TIAM1: variants seen among roughly 807,000 people sequenced by gnomAD.
The protein encoded by TIAM1 is TIAM Rac1 associated GEF 1, also known as rho guanine nucleotide exchange factor TIAM1.
A neutral mutation model predicts 163.5 loss-of-function variants in TIAM1; 65 were observed. The ratio of observed to expected loss-of-function variants is 0.40; its 90% CI spans 0.33 to 0.49. The LOEUF (loss-of-function observed/expected upper bound fraction) is 0.49, where lower values mean the gene tolerates loss of function less well. Among genes scored for constraint, TIAM1 ranks in the 20% least tolerant of loss-of-function variants. The pLI, the probability that TIAM1 is intolerant of heterozygous loss-of-function variation, is 0.77. For missense variants in TIAM1, 1,789 were observed against 2,044.7 expected (o/e 0.87, Z 2.41); for synonymous variants, 833 against 810.1 (o/e 1.03, Z -0.48).
At chr21:31,452,065 C>G (rs902754133) in intron 2 of TIAM1, among the ~76,000 whole-genome samples, 7 of 152,140 alleles carry the variant, frequency 4.6e-5, no homozygotes, top group African/African-American at 1.7e-4. Flanking sequence ...AGGGCACATC[C>G]TAAGGTGATC....
intron 1 of TIAM1, among the ~76,000 whole-genome samples, chr21:31,553,666 T>G (rs2048770875): frequency 6.6e-6 from 1 of 152,048 alleles, no homozygotes; most frequent in East Asian, 1.9e-4. Flanking sequence ...CCCTGGAAGG[T>G]GAGGCCTGGG....
chr21:31,208,170 T>G (rs1300022456), intron 11 of TIAM1, among the ~76,000 whole-genome samples: 1 of 152,194 alleles, frequency 6.6e-6, no homozygotes, highest in Non-Finnish European at 1.5e-5. Context: ...AGCAAAAGCT[T>G]GAAACATACG....
chr21:31,132,579 C>T (rs983384491), intron 23 of TIAM1, among the ~76,000 whole-genome samples: 4 of 152,164 alleles, frequency 2.6e-5, no homozygotes, highest in African/African-American at 7.2e-5. Context: ...ATCTCAGAAG[C>T]GCCACCATGC....
At chr21:31,320,298 G>C (rs2075269969) in intron 2 of TIAM1, among the ~76,000 whole-genome samples, 1 of 152,138 alleles carries the variant, frequency 6.6e-6, no homozygotes, top group Admixed American at 6.5e-5. Context: ...CCGGGGCAGG[G>C]AGGTGGAGGA....
intron 27 of TIAM1, among the ~76,000 whole-genome samples, chr21:31,121,055 C>G (rs1979208925): frequency 6.6e-6 from 1 of 152,116 alleles, no homozygotes. Flanking sequence ...GCAACTGATG[C>G]AAGGGCAAGG....
intron 12 of TIAM1, among the ~76,000 whole-genome samples, chr21:31,198,093 G>A (rs905017114): frequency 7.2e-5 from 11 of 152,170 alleles, no homozygotes; most frequent in African/African-American, 2.7e-4. Context: ...CCAATTTTGA[G>A]CCAAGGTCAA....
At chr21:31,236,881 G>A (rs1183036332) in intron 6 of TIAM1, among the ~76,000 whole-genome samples, 1 of 152,164 alleles carries the variant, frequency 6.6e-6, no homozygotes, top group Non-Finnish European at 1.5e-5. Flanking sequence ...AATGGCTTGG[G>A]AACCTTAGGC....
At chr21:31,229,610 A>C (rs1428043712) in intron 6 of TIAM1, among the ~76,000 whole-genome samples, 2 of 151,862 alleles carry the variant, frequency 1.3e-5, no homozygotes, top group Non-Finnish European at 2.9e-5. Context: ...CGCTCAGTGG[A>C]AATGAGGAGC....
intron 6 of TIAM1, among the ~76,000 whole-genome samples, chr21:31,228,071 T>A (rs1018122102): frequency 1.5e-5 from 2 of 137,422 alleles, no homozygotes; most frequent in Non-Finnish European, 3.0e-5. Context: ...CCCAGCTAAT[T>A]TTTGTATTTT....
chr21:31,533,052 TA>T (rs2048020727), intron 1 of TIAM1, among the ~76,000 whole-genome samples: 2 of 152,290 alleles, frequency 1.3e-5, no homozygotes, highest in South Asian at 4.1e-4. Flanking sequence ...TATCTCAACA[TA>T]ATCATGCCTG....
chr21:31,209,960 G>T lies in TIAM1; in HGVS notation c.2388+85C>A. ...TTTTAAGCACCTTCCTCTCCCACAC[G>T]GCTCTGGGTTTCCACATGTGCCTTA... On this transcript the variant is annotated intron_variant, in intron 11 of 27. Coordinates refer to ENST00000541036, the MANE Select transcript of TIAM1 (RefSeq NM_001353694.2). 1.9e-5 allele frequency: 27 copies of T among 1,449,024 alleles called. No homozygotes were observed. The South Asian group carries it at 3.9e-4, about 21-fold the overall frequency. The allele number at this position is 1,449,024 out of a possible 1,614,324, so 89.8% of individuals were successfully genotyped here. A position where few individuals can be genotyped will look rare whatever the true frequency, so the allele number is the denominator to read the frequency against.
intron 2 of TIAM1, among the ~76,000 whole-genome samples, chr21:31,368,580 TTC>T (rs1403033257): frequency 6.6e-6 from 1 of 152,136 alleles, no homozygotes; most frequent in African/African-American, 2.4e-5. Context: ...AAAAAAGCAT[TTC>T]AAGAAAGCGT....
At position 31,151,557 on chromosome 21, in the gene TIAM1, G is replaced by A. The variant is rs2083372184; in HGVS notation, c.3366+1079C>T. ...GAGCAGAGCATGGAGCAGGGGTAGA[G>A]TGGGAGGGCAGTAAGAGGCAGAAGA... On this transcript the variant is annotated intron_variant, in intron 19 of 27. Coordinates refer to ENST00000541036, the MANE Select transcript of TIAM1 (RefSeq NM_001353694.2). Among the ~76,000 whole-genome samples, 3 of 152,152 alleles carry A rather than the reference G, an allele frequency of 2.0e-5. No individual in the cohort carries two copies. In the South Asian group the frequency reaches 6.2e-4, roughly 32 times the overall value.
At chr21:31,299,349 T>C (rs1010235660) in intron 2 of TIAM1, among the ~76,000 whole-genome samples, 1 of 152,194 alleles carries the variant, frequency 6.6e-6, no homozygotes, top group African/African-American at 2.4e-5. Flanking sequence ...TTCCATGACA[T>C]TTCTGAGAAG....
At chr21:31,513,760 C>G (rs2047289238) in intron 1 of TIAM1, among the ~76,000 whole-genome samples, 1 of 152,142 alleles carries the variant, frequency 6.6e-6, no homozygotes, top group South Asian at 2.1e-4. Context: ...GTAATTCCAG[C>G]ACTTTGGGAA....
chr21:31,226,052 G>T, intron 6 of TIAM1, 102 bp from the exon 7 acceptor site: 1 of 900,180 alleles, frequency 1.1e-6, no homozygotes, highest in Non-Finnish European at 1.7e-6. Context: ...GAGTCGAGGT[G>T]ACAGGTCTAG....
intron 2 of TIAM1, among the ~76,000 whole-genome samples, chr21:31,418,891 G>C (rs1366888394): frequency 6.6e-6 from 1 of 152,166 alleles, no homozygotes; most frequent in Non-Finnish European, 1.5e-5. Flanking sequence ...TTGAAGGAAA[G>C]AAAAAGGAGT....
At chr21:31,423,514 A>G (rs1488313984) in intron 2 of TIAM1, among the ~76,000 whole-genome samples, 1 of 150,880 alleles carries the variant, frequency 6.6e-6, no homozygotes, top group Non-Finnish European at 1.5e-5. Flanking sequence ...AAACTAGCAC[A>G]CTTGTGATTA....
At chr21:31,274,343 T>G (rs547290332) in intron 3 of TIAM1, among the ~76,000 whole-genome samples, 1 of 152,244 alleles carries the variant, frequency 6.6e-6, no homozygotes, top group Non-Finnish European at 1.5e-5. Context: ...AATATTCCAG[T>G]TAATAGAAAG....
Sources: gnomAD v4.1 joint callset for allele counts (sites outside exome capture counted in the v4.1 genomes callset) on GRCh38, gnomAD v4.1.1 for gene constraint, MANE v1.5 for transcripts, NCBI Gene and HGNC (gene_info 2026-07-23, HGNC 2026-07-21) for gene names.